The following ZNF804B variants were observed in gnomAD, a reference collection of about 807,000 sequenced individuals.
The protein encoded by ZNF804B is zinc finger protein 804B, also known as zinc finger 804B.
In ZNF804B, 80 loss-of-function variants were observed where a neutral mutation model predicts 101.4. The observed-to-expected ratio is 0.79, with a 90% CI of 0.66 to 0.95. ZNF804B has a LOEUF of 0.95. Ranked by LOEUF, ZNF804B falls within the 40% of genes least tolerant of loss-of-function variation. The pLI is 0.00. For missense variants in ZNF804B, 1,673 were observed against 1,561.9 expected, an observed-to-expected ratio of 1.07 and a Z score of -1.20; for synonymous variants, 622 against 558.8, an observed-to-expected ratio of 1.11 and a Z score of -1.59.
At chr7:88,867,554 G>C (rs6465169) in intron 1 of ZNF804B, among the ~76,000 whole-genome samples, 33,299 of 152,110 alleles carry the variant, frequency 0.22, 4,513 homozygotes, top group African/African-American at 0.39. Context: ...CTCACTAAGT[G>C]TACAGACTCA....
intron 1 of ZNF804B, among the ~76,000 whole-genome samples, chr7:89,025,513 A>G (rs546036647): frequency 6.6e-6 from 1 of 152,150 alleles, no homozygotes. Context: ...GTTATTTAGA[A>G]CAAACTTCCT....
At chr7:88,878,328 G>T (rs1466116542) in intron 1 of ZNF804B, among the ~76,000 whole-genome samples, 1 of 151,986 alleles carries the variant, frequency 6.6e-6, no homozygotes, top group African/African-American at 2.4e-5. Flanking sequence ...TTTCCCTTTA[G>T]AATTTATTAT....
Position 89,334,872 on chromosome 7 carries a change from C to A in ZNF804B, c.1890C>A (p.Tyr630Ter). ...ATGAGGACCTATCTTTTCCTTCCTA[C>A]ATCTCTAGGTTTAAAAAGCATAAAT... The part of the protein sequence containing the change: ...DIDEDLSFPS[Y>*]ISRFKKHKLI... Residue 630 changes from tyrosine to a stop codon, truncating the protein, a stop_gained, in exon 4 of 4, where the codon TAC becomes TAA. Transcript: ENST00000333190. LOFTEE classifies it high-confidence loss of function. 6.2e-7 allele frequency: 1 copy of A among 1,613,746 alleles called. No homozygotes were observed. The highest frequency in any genetic ancestry group is 8.5e-7 in the Non-Finnish European group (1 of 1,179,860).
Position 89,225,947 on chromosome 7 carries a change from C to G in ZNF804B, c.249+7652C>G, listed in dbSNP as rs539166418. Among the ~76,000 whole-genome samples, 6 of 152,002 alleles carry G rather than the reference C, an allele frequency of 3.9e-5. No homozygotes were observed. The East Asian group carries it at 9.7e-4, about 24-fold the overall frequency. On this transcript the variant is annotated intron_variant, in intron 2 of 3. Transcript: ENST00000333190. ...GTGATGAGATAAGCGTTCAAGAGTT[C>G]AAGAGAGACAATAGGAGTCTTTATA...
chr7:88,850,329 A>G (rs1791434534), intron 1 of ZNF804B, among the ~76,000 whole-genome samples: 1 of 152,092 alleles, frequency 6.6e-6, no homozygotes, highest in Admixed American at 6.6e-5. Flanking sequence ...TCCAGGGAAT[A>G]CAAGGTGGCT....
intron 2 of ZNF804B, among the ~76,000 whole-genome samples, chr7:89,280,468 G>C (rs7790953): frequency 0.12 from 18,540 of 151,968 alleles, 1,212 homozygotes; most frequent in Middle Eastern, 0.26. Context: ...ATGAATCCAG[G>C]AGCTGGTTTT....
intron 1 of ZNF804B, among the ~76,000 whole-genome samples, chr7:89,043,941 A>G (rs1404033487): frequency 6.6e-6 from 1 of 152,230 alleles, no homozygotes; most frequent in Non-Finnish European, 1.5e-5. Flanking sequence ...AAAAGAGTAC[A>G]TTCTAAAGAA....
chr7:89,113,314 TTACCCATGTAATAAACC>T (rs1407820926), intron 1 of ZNF804B, among the ~76,000 whole-genome samples: 25 of 152,260 alleles, frequency 1.6e-4, no homozygotes, highest in Admixed American at 1.4e-3. Context: ...GGCATGCAAT[TTACCCATGTAATAAACC>T]TGCACATGTA....
intron 2 of ZNF804B, among the ~76,000 whole-genome samples, chr7:89,299,729 T>C (rs1484872080): frequency 6.6e-6 from 1 of 152,050 alleles, no homozygotes; most frequent in African/African-American, 2.4e-5. Flanking sequence ...TATTTTGTTT[T>C]ATTTGTCCTA....
Position 88,974,905 on chromosome 7 carries a change from G to A in ZNF804B, c.108+214821G>A, listed in dbSNP as rs969988532. On this transcript the variant is annotated intron_variant, in intron 1 of 3. Coordinates refer to ENST00000333190, the MANE Select transcript of ZNF804B (RefSeq NM_181646.5). Reference sequence around the variant, plus strand: ...TTTCTTTCTTTCTAACAATATTTCTGTACCCATTAACCATTTCCACCCCCT... The same window carrying A: ...TTTCTTTCTTTCTAACAATATTTCTATACCCATTAACCATTTCCACCCCCT... Among the ~76,000 whole-genome samples the A allele has an allele frequency of 3.3e-5, 5 of 151,184 alleles. No individual in the cohort carries two copies. The South Asian group carries it at 8.3e-4, about 25-fold the overall frequency.
At chr7:89,224,255 T>C (rs1002009899) in intron 2 of ZNF804B, among the ~76,000 whole-genome samples, 4 of 152,010 alleles carry the variant, frequency 2.6e-5, no homozygotes, top group Admixed American at 1.3e-4. Flanking sequence ...TAATCTCCAT[T>C]TGCTTCACAA....
chr7:89,104,609 C>A (rs1790108040), intron 1 of ZNF804B, among the ~76,000 whole-genome samples: 1 of 151,916 alleles, frequency 6.6e-6, no homozygotes, highest in Non-Finnish European at 1.5e-5. Context: ...TCTGTTGGGA[C>A]AAGTCCCATG....
At chr7:89,167,934 A>G (rs1417386003) in intron 1 of ZNF804B, among the ~76,000 whole-genome samples, 1 of 152,172 alleles carries the variant, frequency 6.6e-6, no homozygotes, top group Non-Finnish European at 1.5e-5. Context: ...CAAAATAATC[A>G]TTAAAGCATA....
At chr7:89,166,094 C>T (rs1368259412) in intron 1 of ZNF804B, among the ~76,000 whole-genome samples, 1 of 152,112 alleles carries the variant, frequency 6.6e-6, no homozygotes, top group African/African-American at 2.4e-5. Flanking sequence ...GATTGGTGTC[C>T]TGTCCCCTGG....
intron 1 of ZNF804B, among the ~76,000 whole-genome samples, chr7:89,028,806 G>C (rs2040525): frequency 0.21 from 32,207 of 151,914 alleles, 3,543 homozygotes; most frequent in East Asian, 0.29. Flanking sequence ...TTGTTTTGTG[G>C]ATTAAATGAG....
intron 1 of ZNF804B, among the ~76,000 whole-genome samples, chr7:88,925,790 G>A (rs1792788296): frequency 6.6e-6 from 1 of 152,248 alleles, no homozygotes; most frequent in Admixed American, 6.5e-5. Flanking sequence ...AAACAGTCCA[G>A]TGTCAATGGC....
At chr7:88,775,375 C>T (rs1003433982) in intron 1 of ZNF804B, among the ~76,000 whole-genome samples, 1 of 152,140 alleles carries the variant, frequency 6.6e-6, no homozygotes, top group African/African-American at 2.4e-5. Flanking sequence ...TGAGGAACAA[C>T]CATGCAGGAC....
intron 1 of ZNF804B, among the ~76,000 whole-genome samples, chr7:89,015,906 C>T (rs1231361057): frequency 6.0e-5 from 9 of 151,208 alleles, no homozygotes; most frequent in Middle Eastern, 3.5e-3. Flanking sequence ...CCTGAGGAAT[C>T]GCCACACTGA....
intron 1 of ZNF804B, among the ~76,000 whole-genome samples, chr7:89,133,412 C>A (rs10273553): frequency 0.3 from 45,224 of 151,952 alleles, 7,280 homozygotes; most frequent in East Asian, 0.58. Flanking sequence ...AAAGCCTGCA[C>A]AAGGGACCTA....
Sources: gnomAD v4.1 joint callset for allele counts (sites outside exome capture counted in the v4.1 genomes callset) on GRCh38, gnomAD v4.1.1 for gene constraint, MANE v1.5 for transcripts, NCBI Gene and HGNC (gene_info 2026-07-23, HGNC 2026-07-21) for gene names.